The following ANTXR2 variants were observed in gnomAD, a reference collection of about 807,000 sequenced individuals.
The protein encoded by ANTXR2 is anthrax toxin receptor 2.
A neutral mutation model predicts 73.7 loss-of-function variants in ANTXR2; 44 were observed. The observed-to-expected ratio is 0.60, with a 90% CI of 0.47 to 0.77. The LOEUF (loss-of-function observed/expected upper bound fraction) is 0.77. Ranked by LOEUF, ANTXR2 falls within the 30% of genes least tolerant of loss-of-function variation. The pLI is 0.00. For synonymous variants in ANTXR2, 217 were observed against 205.9 expected, an observed-to-expected ratio of 1.05 and a Z score of -0.46; for missense variants, 604 against 592.5, an observed-to-expected ratio of 1.02 and a Z score of -0.20.
intron 11 of ANTXR2, among the ~76,000 whole-genome samples, chr4:80,015,595 T>C (rs1216862414): frequency 3.9e-5 from 6 of 152,184 alleles, no homozygotes; most frequent in Admixed American, 6.5e-5. Flanking sequence ...TTATTATTTA[T>C]TGGAGTCAGA....
chr4:79,919,865 T>TTATA (rs869257072), intron 16 of ANTXR2, among the ~76,000 whole-genome samples: 112 of 17,600 alleles, frequency 6.4e-3, no homozygotes, highest in Non-Finnish European at 7.0e-3. Context: ...AATACATATT[T>TTATA]TATATATATA....
chr4:79,960,424 G>C (rs1162043751), intron 16 of ANTXR2, among the ~76,000 whole-genome samples: 1 of 152,046 alleles, frequency 6.6e-6, no homozygotes, highest in South Asian at 2.1e-4. Context: ...GCTCTTTAAG[G>C]AGAAAGAGAT....
At chr4:80,023,003 G>T (rs1004873622) in intron 10 of ANTXR2, among the ~76,000 whole-genome samples, 1 of 152,034 alleles carries the variant, frequency 6.6e-6, no homozygotes, top group Non-Finnish European at 1.5e-5. Flanking sequence ...ATAAATTACC[G>T]TTAACACCTG....
intron 16 of ANTXR2, among the ~76,000 whole-genome samples, chr4:79,937,053 A>T (rs1302598923): frequency 8.2e-6 from 1 of 122,382 alleles, no homozygotes; most frequent in East Asian, 2.1e-4. Flanking sequence ...TGTATTAATA[A>T]TTTTTACTTT....
chr4:79,925,311 G>A (rs760695870), intron 16 of ANTXR2, among the ~76,000 whole-genome samples: 37 of 143,554 alleles, frequency 2.6e-4, no homozygotes, highest in South Asian at 4.9e-4. Flanking sequence ...AATGATGATG[G>A]CATTAAAGCC....
intron 3 of ANTXR2, among the ~76,000 whole-genome samples, chr4:80,062,403 C>T (rs1734304399): frequency 6.6e-6 from 1 of 152,270 alleles, no homozygotes. Context: ...TTACCACTTC[C>T]GTGTGCCAGG....
intron 16 of ANTXR2, among the ~76,000 whole-genome samples, chr4:79,967,207 A>G: frequency 1.6e-5 from 1 of 63,168 alleles, no homozygotes; most frequent in Admixed American, 2.2e-4. Flanking sequence ...TGCGCTTTTC[A>G]GACCGGCTTA....
At chr4:80,054,836 A>G (rs1733919380) in intron 6 of ANTXR2, among the ~76,000 whole-genome samples, 1 of 151,390 alleles carries the variant, frequency 6.6e-6, no homozygotes, top group Non-Finnish European at 1.5e-5. Flanking sequence ...ATATGACTAC[A>G]TATTATATAT....
At chr4:80,006,702 T>C (rs1328897554) in intron 12 of ANTXR2, among the ~76,000 whole-genome samples, 2 of 152,086 alleles carry the variant, frequency 1.3e-5, no homozygotes, top group Non-Finnish European at 2.9e-5. Context: ...TCTAGTCACC[T>C]GATGATTGGC....
At chr4:80,056,297 A>G (rs1301824880) in intron 3 of ANTXR2, among the ~76,000 whole-genome samples, 1 of 151,888 alleles carries the variant, frequency 6.6e-6, no homozygotes, top group Non-Finnish European at 1.5e-5. Flanking sequence ...GATATCTTCA[A>G]TCACTCGTTT....
chr4:80,049,234 C>G (rs2110101622), intron 7 of ANTXR2, among the ~76,000 whole-genome samples: 1 of 151,750 alleles, frequency 6.6e-6, no homozygotes, highest in African/African-American at 2.4e-5. Context: ...TATTATTCAC[C>G]AATCTGTGGT....
intron 16 of ANTXR2, among the ~76,000 whole-genome samples, chr4:79,912,160 TA>T (rs1437721324): frequency 6.6e-6 from 1 of 151,904 alleles, no homozygotes; most frequent in Admixed American, 6.6e-5. Context: ...TAAATATTTA[TA>T]AAAATTAAGG....
intron 16 of ANTXR2, among the ~76,000 whole-genome samples, chr4:79,960,242 T>A (rs1483529224): frequency 1.3e-5 from 2 of 152,158 alleles, no homozygotes; most frequent in Non-Finnish European, 2.9e-5. Flanking sequence ...AGTGCTTGAT[T>A]TAAAAAAATT....
At chr4:79,931,686 G>A (rs1195056900) in intron 16 of ANTXR2, among the ~76,000 whole-genome samples, 2 of 152,178 alleles carry the variant, frequency 1.3e-5, no homozygotes, top group African/African-American at 4.8e-5. Context: ...CAAGGTTAAA[G>A]CTGCAACTGT....
intron 3 of ANTXR2, among the ~76,000 whole-genome samples, chr4:80,056,657 A>G (rs942891266): frequency 2.0e-5 from 3 of 151,902 alleles, no homozygotes; most frequent in African/African-American, 7.2e-5. Flanking sequence ...AGATGGATGA[A>G]TGTATGGATA....
At chr4:80,023,584 G>A (rs1032885657) in intron 10 of ANTXR2, among the ~76,000 whole-genome samples, 1 of 152,208 alleles carries the variant, frequency 6.6e-6, no homozygotes, top group Non-Finnish European at 1.5e-5. Context: ...AGAGGGCTGT[G>A]TGGGAGATTC....
chr4:80,069,271 C>T (rs1285914410), intron 3 of ANTXR2, among the ~76,000 whole-genome samples, 165 bp downstream of exon 3: 2 of 152,146 alleles, frequency 1.3e-5, no homozygotes, highest in African/African-American at 4.8e-5. Context: ...AGATTAACTG[C>T]TCTTTTATAT....
intron 10 of ANTXR2, chr4:80,024,591 T>A (rs1401511050): frequency 8.3e-6 from 3 of 361,140 alleles, no homozygotes; most frequent in Non-Finnish European, 1.6e-5. Flanking sequence ...TGAAACCCTG[T>A]CTATACAAAA....
chr4:80,019,597 C>T (rs745355133), intron 10 of ANTXR2, among the ~76,000 whole-genome samples: 3 of 152,148 alleles, frequency 2.0e-5, no homozygotes, highest in Non-Finnish European at 2.9e-5. Flanking sequence ...CTTTAGATCC[C>T]ATTTAGCCTA....
Sources: gnomAD v4.1 joint callset for allele counts (sites outside exome capture counted in the v4.1 genomes callset) on GRCh38, gnomAD v4.1.1 for gene constraint, MANE v1.5 for transcripts, NCBI Gene and HGNC (gene_info 2026-07-23, HGNC 2026-07-21) for gene names.